Variants in HERC1 observed in about 807,000 individuals in gnomAD.
HERC1 encodes probable E3 ubiquitin-protein ligase HERC1.
HERC1 carries 160 observed loss-of-function variants against 554.3 expected under a neutral mutation model. The observed-to-expected ratio is 0.29, with a 90% CI of 0.25 to 0.33. The LOEUF (loss-of-function observed/expected upper bound fraction) is 0.33. Among genes scored for constraint, HERC1 ranks in the 10% least tolerant of loss-of-function variants. The pLI is 1.00. For missense variants in HERC1, 4,919 were observed against 5,918.5 expected, an observed-to-expected ratio of 0.83 and a Z score of 5.54; for synonymous variants, 2,175 against 2,131.7, an observed-to-expected ratio of 1.02 and a Z score of -0.56.
chr15:63,689,105 A>G (rs931740325), intron 33 of HERC1, among the ~76,000 whole-genome samples: 1 of 152,238 alleles, frequency 6.6e-6, no homozygotes, highest in African/African-American at 2.4e-5. Context: ...TTTCAAAGGG[A>G]ATCAGGATTG....
intron 1 of HERC1, among the ~76,000 whole-genome samples, chr15:63,785,632 T>C (rs2076414255): frequency 6.6e-6 from 1 of 151,742 alleles, no homozygotes; most frequent in African/African-American, 2.4e-5. Flanking sequence ...TAGCCAGGAA[T>C]GGTGGCGCAT....
At chr15:63,643,122 T>G (rs2069153736) in intron 58 of HERC1, 64 bp from the exon 59 acceptor site, 3 of 1,119,902 alleles carry the variant, frequency 2.7e-6, no homozygotes, top group African/African-American at 3.1e-5. Flanking sequence ...CATTTAAATT[T>G]CTATTTCACA....
intron 58 of HERC1, among the ~76,000 whole-genome samples, 151 bp from the exon 59 acceptor site, chr15:63,643,209 T>C (rs1370646049): frequency 6.6e-6 from 1 of 152,204 alleles, no homozygotes; most frequent in Non-Finnish European, 1.5e-5. Context: ...TACAAAATTT[T>C]CTAGGACACA....
chr15:63,682,540 G>GA (rs1239599817), intron 34 of HERC1, among the ~76,000 whole-genome samples: 1 of 152,190 alleles, frequency 6.6e-6, no homozygotes, highest in African/African-American at 2.4e-5. Context: ...GGAGGCTAAG[G>GA]AGGGAGGACT....
chr15:63,711,533 T>C (rs539722721), intron 24 of HERC1, among the ~76,000 whole-genome samples: 2 of 152,334 alleles, frequency 1.3e-5, no homozygotes, highest in South Asian at 4.1e-4. Context: ...GTAAAGACAC[T>C]GTTCAACTTT....
At chr15:63,809,763 A>G (rs570558791) in intron 1 of HERC1, among the ~76,000 whole-genome samples, 2 of 150,656 alleles carry the variant, frequency 1.3e-5, no homozygotes, top group Admixed American at 1.3e-4. Context: ...GAAATATCCT[A>G]TTCATTGCAG....
Position 63,768,771 on chromosome 15 carries a change from T to C in HERC1, c.931-4580A>G, listed in dbSNP as rs557422772. Among the ~76,000 whole-genome samples, 4 of 152,340 alleles carry C rather than the reference T, an allele frequency of 2.6e-5. No homozygotes were observed. The East Asian group carries it at 5.8e-4, about 22-fold the overall frequency. ...AATCTAGGCTCCATCCCTTACTGGC[T>C]CTTACTGAAAGGGTCTCATCCTGAG... On this transcript the variant is annotated intron_variant, in intron 2 of 77. Coordinates refer to ENST00000443617, the MANE Select transcript of HERC1 (RefSeq NM_003922.4).
rs758066455 is a variant in HERC1, at chr15:63,663,061, T to A, written c.8824A>T (p.Met2942Leu). 1 of 1,613,980 alleles carries A rather than the reference T, an allele frequency of 6.2e-7. No homozygotes were observed. The highest frequency in any genetic ancestry group is 2.2e-5 in the East Asian group (1 of 44,884). Residue 2942 changes from methionine (M) to leucine (L), a missense_variant, in exon 44 of 78, where the codon ATG (methionine) becomes TTG (leucine). Transcript: ENST00000443617. The stretch of plus-strand genomic sequence containing the variant: ...TCACTGGTCAGGTCTTGTCCAAACA[T>A]AGCTTCCATCGCCTCATCATCAAGA... Reference protein sequence around the residue: ...IDLDDEAMEAMFGQDLTSDND... With the variant: ...IDLDDEAMEALFGQDLTSDND...
chr15:63,705,636 GA>G (rs974170485), intron 25 of HERC1, among the ~76,000 whole-genome samples: 11 of 151,774 alleles, frequency 7.2e-5, no homozygotes, highest in Admixed American at 7.2e-4. Context: ...TTAATATCAT[GA>G]AAAAAAATTT....
intron 14 of HERC1, among the ~76,000 whole-genome samples, chr15:63,732,449 C>T (rs1162406122): frequency 6.6e-6 from 1 of 152,212 alleles, no homozygotes. Context: ...TCATAATGAT[C>T]TGGCTTAGAA....
intron 1 of HERC1, among the ~76,000 whole-genome samples, chr15:63,790,976 A>G (rs927121006): frequency 1.3e-5 from 2 of 152,202 alleles, no homozygotes; most frequent in Admixed American, 1.3e-4. Flanking sequence ...GTTTTTACGA[A>G]CATCATTTTA....
chr15:63,657,262 T>TG (rs1009086942), intron 48 of HERC1, among the ~76,000 whole-genome samples: 1 of 140,970 alleles, frequency 7.1e-6, no homozygotes, highest in Non-Finnish European at 1.5e-5. Context: ...TGTCTTAGGT[T>TG]TTTTTTTTTT....
chr15:63,753,136 T>C, intron 7 of HERC1, 51 bp from the exon 8 acceptor site: 1 of 1,397,028 alleles, frequency 7.2e-7, no homozygotes, highest in Non-Finnish European at 9.7e-7. Context: ...GAACCTCTAC[T>C]CTTTTTAACA....
At chr15:63,746,467 A>G (rs1250419129) in intron 12 of HERC1, among the ~76,000 whole-genome samples, 1 of 152,190 alleles carries the variant, frequency 6.6e-6, no homozygotes, top group East Asian at 1.9e-4. Context: ...ATTTATAACC[A>G]GTATTCTATT....
intron 54 of HERC1, among the ~76,000 whole-genome samples, chr15:63,649,294 A>C (rs1209898006): frequency 1.3e-5 from 2 of 152,210 alleles, no homozygotes. Context: ...CAGAGGTTGC[A>C]GTGAGCCGAG....
chr15:63,633,841 T>A lies in HERC1; in HGVS notation c.12693+7A>T. The A allele has an allele frequency of 6.2e-7, 1 of 1,612,318 alleles. No individual in the cohort carries two copies. Among genetic ancestry groups the A allele is most frequent in the Non-Finnish European group, 8.5e-7 (1 of 1,179,060 alleles). On this transcript the variant is annotated splice_region_variant and intron_variant, in intron 67 of 77. Transcript: ENST00000443617. ...GTCTGAAAACCTAGACTCAAGGCAGTACTGACCTGAGGTGAAGATTTTGCA... is the reference window on the plus strand; with the variant it reads ...GTCTGAAAACCTAGACTCAAGGCAGAACTGACCTGAGGTGAAGATTTTGCA...
intron 1 of HERC1, among the ~76,000 whole-genome samples, chr15:63,800,253 T>A (rs555792438): frequency 5.8e-4 from 88 of 152,328 alleles, no homozygotes; most frequent in African/African-American, 2.0e-3. Flanking sequence ...GGGAAGAGTT[T>A]AAAATTTTTC....
rs1385077706 is a variant in HERC1 at position 63,774,792 on chromosome 15, C to G, written c.832G>C (p.Val278Leu). ...AGTTTGCCTTTCTCCATGGTGTGTACAACTGCCGAAGCCCCCAAAGCCATT... is the reference window on the plus strand; with the variant it reads ...AGTTTGCCTTTCTCCATGGTGTGTAGAACTGCCGAAGCCCCCAAAGCCATT... Reference protein sequence around the residue: ...IEMALGASAVVHTMEKGKLLS... With the variant: ...IEMALGASAVLHTMEKGKLLS... Residue 278 changes from valine to leucine, a missense_variant, in exon 2 of 78, where the codon GTA becomes CTA. Transcript: ENST00000443617. The G allele has an allele frequency of 6.2e-7, 1 of 1,613,946 alleles. No homozygotes were observed. The highest frequency in any genetic ancestry group is 1.1e-5 in the South Asian group (1 of 91,070).
intron 32 of HERC1, among the ~76,000 whole-genome samples, chr15:63,690,077 CA>C (rs2072017968): frequency 6.6e-6 from 1 of 150,500 alleles, no homozygotes; most frequent in South Asian, 2.1e-4. Context: ...GCAGGAGAAT[CA>C]CTTGAACCCA....
Sources: gnomAD v4.1 joint callset for allele counts (sites outside exome capture counted in the v4.1 genomes callset) on GRCh38, gnomAD v4.1.1 for gene constraint, MANE v1.5 for transcripts, NCBI Gene and HGNC (gene_info 2026-07-23, HGNC 2026-07-21) for gene names.